The following ASCC1 variants were observed in gnomAD, a reference collection of about 807,000 sequenced individuals.
ASCC1 encodes the protein ASC-1 complex subunit P50.
ASCC1 carries 35 observed loss-of-function variants against 46.6 expected under a neutral mutation model. That is an observed-to-expected ratio of 0.75 (90% CI 0.57 to 0.99). The LOEUF (loss-of-function observed/expected upper bound fraction) is 0.99. Ranked by LOEUF, ASCC1 falls within the 50% of genes least tolerant of loss-of-function variation. The pLI is 0.00. For synonymous variants in ASCC1, 143 were observed against 146.6 expected (o/e 0.98, Z 0.18); for missense variants, 376 against 428.7 (o/e 0.88, Z 1.09).
At chr10:72,155,636 A>G (rs1374273780) in intron 6 of ASCC1, among the ~76,000 whole-genome samples, 1 of 152,214 alleles carries the variant, frequency 6.6e-6, no homozygotes, top group African/African-American at 2.4e-5. Flanking sequence ...TTACAAAATG[A>G]TATTTTATTT....
At chr10:72,194,160 G>C (rs200695855) in intron 5 of ASCC1, among the ~76,000 whole-genome samples, 1 of 151,712 alleles carries the variant, frequency 6.6e-6, no homozygotes, top group African/African-American at 2.4e-5. Context: ...CTGGGATTAC[G>C]GGCATGAGCC....
intron 9 of ASCC1, among the ~76,000 whole-genome samples, chr10:72,102,003 G>A (rs547036128): frequency 6.6e-5 from 10 of 152,100 alleles, no homozygotes; most frequent in Non-Finnish European, 1.3e-4. Flanking sequence ...AGGGAGGGAG[G>A]AGGGAGAGAA....
intron 5 of ASCC1, among the ~76,000 whole-genome samples, chr10:72,170,379 T>C (rs1850915319): frequency 6.6e-6 from 1 of 152,042 alleles, no homozygotes; most frequent in Non-Finnish European, 1.5e-5. Context: ...CATCCAGGAA[T>C]GCCTAAGTCT....
At chr10:72,162,669 A>AC (rs568176171) in intron 5 of ASCC1, among the ~76,000 whole-genome samples, 90 of 152,128 alleles carry the variant, frequency 5.9e-4, no homozygotes, top group African/African-American at 2.1e-3. Context: ...GGGACCAGGC[A>AC]CAGTGGCTCA....
At chr10:72,169,518 A>T (rs1564687970) in intron 5 of ASCC1, among the ~76,000 whole-genome samples, 1 of 152,108 alleles carries the variant, frequency 6.6e-6, no homozygotes, top group East Asian at 1.9e-4. Flanking sequence ...AACATACATT[A>T]ATATATATAT....
intron 9 of ASCC1, chr10:72,102,490 T>C: frequency 8.6e-7 from 1 of 1,166,110 alleles, no homozygotes; most frequent in South Asian, 1.3e-5. Context: ...TTGTAGTTCT[T>C]TTTATACTAG....
At chr10:72,186,481 G>T (rs1853465727) in intron 5 of ASCC1, among the ~76,000 whole-genome samples, 1 of 152,114 alleles carries the variant, frequency 6.6e-6, no homozygotes, top group Non-Finnish European at 1.5e-5. Context: ...AAATCCCACA[G>T]TCTCTCAGAA....
At chr10:72,189,630 C>A (rs1854082533) in intron 5 of ASCC1, among the ~76,000 whole-genome samples, 1 of 151,596 alleles carries the variant, frequency 6.6e-6, no homozygotes, top group Non-Finnish European at 1.5e-5. Context: ...TGGAGAAACC[C>A]CATCTCTATT....
chr10:72,175,069 T>C (rs958476613), intron 5 of ASCC1, among the ~76,000 whole-genome samples: 1 of 152,210 alleles, frequency 6.6e-6, no homozygotes. Context: ...GCAGGTGATA[T>C]GAAGTTCATT....
intron 7 of ASCC1, among the ~76,000 whole-genome samples, chr10:72,134,819 G>A (rs904475904): frequency 6.6e-6 from 1 of 152,042 alleles, no homozygotes; most frequent in Non-Finnish European, 1.5e-5. Context: ...AGAATTACAA[G>A]GGGGAAAAAA....
chr10:72,160,619 T>C (rs972108296), intron 6 of ASCC1, among the ~76,000 whole-genome samples: 1 of 150,128 alleles, frequency 6.7e-6, no homozygotes, highest in East Asian at 2.0e-4. Flanking sequence ...CCAGCACTTT[T>C]GGAGGCCGAA....
chr10:72,184,509 TG>T (rs1329945284), intron 5 of ASCC1, among the ~76,000 whole-genome samples: 1 of 152,156 alleles, frequency 6.6e-6, no homozygotes, highest in Non-Finnish European at 1.5e-5. Context: ...AAGGTTAGAA[TG>T]GTTATATTAA....
chr10:72,168,780 G>A (rs1421631220), intron 5 of ASCC1, among the ~76,000 whole-genome samples: 2 of 152,200 alleles, frequency 1.3e-5, no homozygotes, highest in Non-Finnish European at 2.9e-5. Flanking sequence ...AGAAACAGTC[G>A]CATGAGGACA....
intron 5 of ASCC1, among the ~76,000 whole-genome samples, chr10:72,187,430 C>G (rs1403587955): frequency 6.7e-6 from 1 of 149,680 alleles, no homozygotes; most frequent in Non-Finnish European, 1.5e-5. Context: ...AGTGAAACCC[C>G]TTCTCTTAGG....
intron 7 of ASCC1, among the ~76,000 whole-genome samples, chr10:72,141,953 C>T (rs113927831): frequency 2.6e-5 from 4 of 152,230 alleles, no homozygotes; most frequent in African/African-American, 7.2e-5. Context: ...CCACACAACA[C>T]CTATGTACTT....
At chr10:72,126,872 T>A (rs751025937) in intron 9 of ASCC1, among the ~76,000 whole-genome samples, 1 of 152,058 alleles carries the variant, frequency 6.6e-6, no homozygotes, top group Non-Finnish European at 1.5e-5. Flanking sequence ...ACAAGAAAAC[T>A]ACTCAAAAAG....
At chr10:72,107,624 C>A (rs1247934488) in intron 9 of ASCC1, among the ~76,000 whole-genome samples, 1 of 152,212 alleles carries the variant, frequency 6.6e-6, no homozygotes. Flanking sequence ...TCATGCTCCT[C>A]TACACACAGA....
chr10:72,109,807 G>A (rs1482482346), intron 9 of ASCC1, among the ~76,000 whole-genome samples: 1 of 152,156 alleles, frequency 6.6e-6, no homozygotes, highest in Non-Finnish European at 1.5e-5. Context: ...TATGAGTAGG[G>A]GTAGGAGGTA....
intron 5 of ASCC1, 129 bp downstream of exon 5, chr10:72,196,681 CA>C (rs1385544024): frequency 1.1e-6 from 1 of 945,378 alleles, no homozygotes; most frequent in East Asian, 2.6e-5. Flanking sequence ...TATAAGAAGC[CA>C]AAAGAAATAG....
Sources: gnomAD v4.1 joint callset for allele counts (sites outside exome capture counted in the v4.1 genomes callset) on GRCh38, gnomAD v4.1.1 for gene constraint, MANE v1.5 for transcripts, NCBI Gene and HGNC (gene_info 2026-07-23, HGNC 2026-07-21) for gene names.